The following CNTN5 variants were observed in gnomAD, a reference collection of about 807,000 sequenced individuals.
The protein encoded by CNTN5 is contactin 5, also known as contactin-5.
Under a neutral mutation model 129.1 loss-of-function variants are expected in CNTN5, and 77 were observed. The observed-to-expected ratio is 0.60, with a 90% CI of 0.50 to 0.72. The LOEUF (loss-of-function observed/expected upper bound fraction) is 0.72, where lower values mean the gene tolerates loss of function less well. Ranked by LOEUF, CNTN5 falls within the 30% of genes least tolerant of loss-of-function variation. The probability of loss-of-function intolerance (pLI) is 0.00; values close to 1 mark genes in which losing one functional copy is unlikely to be tolerated. For missense variants in CNTN5, 1,478 were observed against 1,328.8 expected (o/e 1.11, Z -1.75); for synonymous variants, 509 against 465.6 (o/e 1.09, Z -1.20).
At chr11:99,839,736 A>C (rs563318840) in intron 4 of CNTN5, among the ~76,000 whole-genome samples, 1 of 152,118 alleles carries the variant, frequency 6.6e-6, no homozygotes, top group African/African-American at 2.4e-5. Context: ...AGAGAGAAAA[A>C]ATGATTAAAG....
intron 3 of CNTN5, among the ~76,000 whole-genome samples, chr11:99,709,164 T>G (rs1296746325): frequency 6.6e-6 from 1 of 151,904 alleles, no homozygotes; most frequent in African/African-American, 2.4e-5. Context: ...GCTACTTTAT[T>G]TGTTTAAAAT....
intron 1 of CNTN5, among the ~76,000 whole-genome samples, chr11:99,268,522 G>A (rs1048845518): frequency 2.0e-5 from 3 of 151,754 alleles, no homozygotes; most frequent in African/African-American, 7.3e-5. Context: ...TCCCTACATT[G>A]TTTATCATGA....
chr11:99,878,702 A>G (rs573715233), intron 6 of CNTN5, among the ~76,000 whole-genome samples: 10 of 152,084 alleles, frequency 6.6e-5, no homozygotes, highest in African/African-American at 2.2e-4. Flanking sequence ...CTAGAAATCC[A>G]AAAATTAGCC....
At chr11:100,101,869 T>C (rs1945235415) in intron 13 of CNTN5, among the ~76,000 whole-genome samples, 1 of 152,160 alleles carries the variant, frequency 6.6e-6, no homozygotes. Flanking sequence ...CTTAGAATAA[T>C]GGCCTCCAGC....
intron 15 of CNTN5, among the ~76,000 whole-genome samples, chr11:100,210,854 T>C (rs916771899): frequency 7.2e-5 from 11 of 152,212 alleles, no homozygotes; most frequent in African/African-American, 2.4e-4. Context: ...CTTAACTATA[T>C]GGCTCGATAT....
intron 3 of CNTN5, among the ~76,000 whole-genome samples, chr11:99,807,374 C>T (rs1384895282): frequency 6.6e-6 from 1 of 152,040 alleles, no homozygotes; most frequent in Non-Finnish European, 1.5e-5. Context: ...CAGGGGTATT[C>T]CTGTTTGGTT....
intron 15 of CNTN5, among the ~76,000 whole-genome samples, chr11:100,202,585 A>G (rs956000404): frequency 1.3e-5 from 2 of 151,190 alleles, no homozygotes; most frequent in Admixed American, 6.6e-5. Context: ...TATAAGTCAG[A>G]TTATTAAAAC....
intron 1 of CNTN5, among the ~76,000 whole-genome samples, chr11:99,261,808 G>A (rs190758220): frequency 2.1e-4 from 32 of 151,940 alleles, no homozygotes; most frequent in Admixed American, 7.9e-4. Flanking sequence ...CTTTTATTAC[G>A]ACACATTTGT....
intron 2 of CNTN5, among the ~76,000 whole-genome samples, chr11:99,365,773 G>A (rs1939409552): frequency 1.3e-5 from 2 of 152,108 alleles, no homozygotes; most frequent in Non-Finnish European, 2.9e-5. Flanking sequence ...TAAACATTTA[G>A]TGAATGGATA....
intron 1 of CNTN5, among the ~76,000 whole-genome samples, chr11:99,053,941 A>T (rs12272689): frequency 6.6e-6 from 1 of 152,124 alleles, no homozygotes; most frequent in Admixed American, 6.6e-5. Context: ...CAGATATTGG[A>T]TGTTTGTTCC....
chr11:99,565,420 C>T (rs1345579258), intron 3 of CNTN5, among the ~76,000 whole-genome samples: 2 of 152,176 alleles, frequency 1.3e-5, no homozygotes, highest in Non-Finnish European at 2.9e-5. Context: ...ATGTATTCTT[C>T]TGAGGGTACA....
At chr11:99,919,899 G>T (rs186969897) in intron 7 of CNTN5, among the ~76,000 whole-genome samples, 1 of 151,192 alleles carries the variant, frequency 6.6e-6, no homozygotes, top group Non-Finnish European at 1.5e-5. Flanking sequence ...TAAGTGATCC[G>T]CTCACCTATA....
chr11:99,222,021 G>A (rs1860420673), intron 1 of CNTN5, among the ~76,000 whole-genome samples: 1 of 151,792 alleles, frequency 6.6e-6, no homozygotes, highest in Non-Finnish European at 1.5e-5. Flanking sequence ...TTTGTCTTCA[G>A]TAACTTGTCT....
At chr11:100,182,707 G>T (rs1948174536) in intron 13 of CNTN5, among the ~76,000 whole-genome samples, 1 of 151,898 alleles carries the variant, frequency 6.6e-6, no homozygotes, top group African/African-American at 2.4e-5. Flanking sequence ...TCTAGGAAAA[G>T]AAAAACAGAA....
Position 99,613,801 on chromosome 11 carries a change from G to C in CNTN5, c.55+57532G>C, listed in dbSNP as rs1214476696. ...AAAAAGCATCCACTAAATAAAGTTT[G>C]TCAGATGAAATAAAATGAAGGGTTA... is the stretch of plus-strand genomic sequence containing the variant. On this transcript the variant is annotated intron_variant, in intron 3 of 24. Coordinates refer to ENST00000524871, the MANE Select transcript of CNTN5 (RefSeq NM_014361.4). Among the ~76,000 whole-genome samples, 4 of 152,126 alleles carry C rather than the reference G, an allele frequency of 2.6e-5. No homozygotes were observed. The East Asian group carries it at 7.7e-4, about 29-fold the overall frequency.
At chr11:100,244,815 T>C (rs1331932044) in intron 16 of CNTN5, among the ~76,000 whole-genome samples, 3 of 152,192 alleles carry the variant, frequency 2.0e-5, no homozygotes, top group Non-Finnish European at 4.4e-5. Flanking sequence ...ATCTGGCTGT[T>C]TGTTTCGGCT....
intron 1 of CNTN5, among the ~76,000 whole-genome samples, chr11:99,269,367 T>G (rs1172117947): frequency 3.3e-5 from 5 of 151,622 alleles, no homozygotes; most frequent in Non-Finnish European, 7.4e-5. Flanking sequence ...TTTTAAATCG[T>G]GGGGGAGATA....
intron 2 of CNTN5, among the ~76,000 whole-genome samples, chr11:99,337,350 T>C (rs573612211): frequency 6.6e-6 from 1 of 152,314 alleles, no homozygotes; most frequent in South Asian, 2.1e-4. Flanking sequence ...CTCACAGCCT[T>C]CAGAGCTGAG....
intron 2 of CNTN5, among the ~76,000 whole-genome samples, chr11:99,371,814 A>C (rs1939843103): frequency 6.6e-6 from 1 of 152,226 alleles, no homozygotes; most frequent in South Asian, 2.1e-4. Context: ...AAAATGTATA[A>C]GGCATGAAGC....
Sources: allele counts gnomAD v4.1 joint callset (sites outside exome capture counted in the v4.1 genomes callset), GRCh38; gene constraint gnomAD v4.1.1; transcripts MANE v1.5; gene names NCBI Gene and HGNC (gene_info 2026-07-23, HGNC 2026-07-21).